CILP: variants seen among roughly 807,000 people sequenced by gnomAD.
CILP encodes cartilage intermediate layer protein 1.
A neutral mutation model predicts 82.5 loss-of-function variants in CILP; 75 were observed. The observed-to-expected ratio is 0.91, with a 90% CI of 0.75 to 1.10. CILP has a LOEUF of 1.10. Among genes scored for constraint, CILP ranks in the 50% least tolerant of loss-of-function variants. The pLI is 0.00. For missense variants in CILP, 1,479 were observed against 1,530.8 expected, an observed-to-expected ratio of 0.97 and a Z score of 0.56; for synonymous variants, 530 against 580.3, an observed-to-expected ratio of 0.91 and a Z score of 1.25.
At chr15:65,207,160 T>C in intron 3 of CILP, 109 bp from the exon 4 acceptor site, 1 of 1,226,248 alleles carries the variant, frequency 8.2e-7, no homozygotes, top group South Asian at 1.5e-5. Context: ...CATTTGTCTC[T>C]CCAGTATCTC....
Position 65,205,476 on chromosome 15 carries a change from G to A in CILP, c.425-10C>T, listed in dbSNP as rs1309519204. 10 of 1,587,934 alleles carry A rather than the reference G, an allele frequency of 6.3e-6. No homozygotes were observed. Among genetic ancestry groups the A allele is most frequent in the Non-Finnish European group, 6.9e-6 (8 of 1,160,960 alleles). The stretch of plus-strand genomic sequence containing the variant: ...TCTCGGCGCAGGGATCCTGCAAAGT[G>A]AGATCAGCAGACGGTCTGATTTCCC... On this transcript the variant is annotated splice_polypyrimidine_tract_variant and intron_variant, in intron 4 of 8. Transcript: ENST00000261883.
At position 65,197,908 on chromosome 15, in the gene CILP, C is replaced by T; in HGVS notation, c.2378G>A (p.Trp793Ter). The change falls in exon 9 of 9, where the codon TGG (tryptophan) becomes TAG (stop). Residue 793 changes from tryptophan (W) to a stop codon, truncating the protein, a stop_gained. Transcript: ENST00000261883. LOFTEE classifies it high-confidence loss of function. ...TGTGATGACACTGTCAAAGCGGCCC[C>T]AGGCCCTAGGGTTGGACAAGAAGCC... is the stretch of plus-strand genomic sequence containing the variant. ...RTGFLSNPRA[W>*]GRFDSVITGP... 1 of 1,614,144 alleles carries T rather than the reference C, an allele frequency of 6.2e-7. No homozygotes were observed. Among genetic ancestry groups the T allele is most frequent in the South Asian group, 1.1e-5 (1 of 91,082 alleles).
rs1371440582 is a variant in CILP at position 65,202,043 on chromosome 15, A to G, written c.1029-14T>C. On this transcript the variant is annotated splice_polypyrimidine_tract_variant and intron_variant, in intron 7 of 8. Coordinates refer to ENST00000261883, the MANE Select transcript of CILP (RefSeq NM_003613.4). ...TCATTATGATACCTGCAAGGGATGG[A>G]GAGGTAGAACCTGAATGGGCAGTGG... The G allele has an allele frequency of 6.4e-7, 1 of 1,560,918 alleles. No homozygotes were observed.
chr15:65,198,682 T>C lies in CILP; in HGVS notation c.1604A>G (p.Glu535Gly). ...GTCCACAAATGTGAGCACCAGCCTC[T>C]CAGTGTCCTGGGGGACATGGAGGGT... ...TFTLHVPQDT[E>G]RLVLTFVDRL... Residue 535 changes from glutamate (E) to glycine (G), a missense_variant, in exon 9 of 9, where the codon GAG becomes GGG. By Grantham distance (98) the Glu-to-Gly change is moderately conservative. Coordinates refer to ENST00000261883, the MANE Select transcript of CILP (RefSeq NM_003613.4). The C allele has an allele frequency of 6.2e-7, 1 of 1,614,244 alleles. No individual in the cohort carries two copies. Among genetic ancestry groups the C allele is most frequent in the Non-Finnish European group, 8.5e-7 (1 of 1,180,054 alleles).
chr15:65,199,932 T>C (rs2088429469), intron 8 of CILP, among the ~76,000 whole-genome samples: 1 of 152,232 alleles, frequency 6.6e-6, no homozygotes. Flanking sequence ...ATACTTTGTT[T>C]AGCTCAGAAC....
At position 65,204,183 on chromosome 15, in the gene CILP, C is replaced by T. The variant is rs928281286; in HGVS notation, c.919+85G>A. 3.0e-6 allele frequency: 4 copies of T among 1,312,488 alleles called. No individual in the cohort carries two copies. In the African/African-American group the frequency reaches 6.0e-5, roughly 20 times the overall value. The allele number at this position is 1,312,488 out of a possible 1,614,324, so 81.3% of individuals were successfully genotyped here. A position where few individuals can be genotyped will look rare whatever the true frequency, so the allele number is the denominator to read the frequency against. On this transcript the variant is annotated intron_variant, in intron 6 of 8. Coordinates refer to ENST00000261883, the MANE Select transcript of CILP (RefSeq NM_003613.4). ...GATTCGGGGTTTTACTCCAAGTTAG[C>T]TGGGAAGCCAGCTTTTAGCACTATA...
Position 65,205,278 on chromosome 15 carries a change from G to T in CILP, c.604+9C>A. The T allele has an allele frequency of 6.3e-7, 1 of 1,586,920 alleles. No homozygotes were observed. On this transcript the variant is annotated intron_variant, in intron 5 of 8. Coordinates refer to ENST00000261883, the MANE Select transcript of CILP (RefSeq NM_003613.4). Reference sequence around the variant, plus strand: ...ACACCCTGCCCAGTGCCAGGAGGGAGGGTGGTACCTGTACAGTCCTGGCCC... The same window carrying T: ...ACACCCTGCCCAGTGCCAGGAGGGATGGTGGTACCTGTACAGTCCTGGCCC...
intron 3 of CILP, 59 bp from the exon 4 acceptor site, chr15:65,207,110 T>C: frequency 6.4e-7 from 1 of 1,561,092 alleles, no homozygotes; most frequent in Non-Finnish European, 8.7e-7. Flanking sequence ...CAGTTCTCCT[T>C]TCCCTCTCAC....
rs375744065 is a variant in CILP at position 65,199,053 on chromosome 15, G to C, written c.1233C>G (p.Ile411Met). The change falls in exon 9 of 9, where the codon ATC becomes ATG. Residue 411 changes from isoleucine to methionine, a missense_variant. By Grantham distance (10) the Ile-to-Met change is conservative. Transcript: ENST00000261883. Reference protein sequence around the residue: ...PCNPVPESYLIRLPHDCFQNA... With the variant: ...PCNPVPESYLMRLPHDCFQNA... ...TCTGAAAGCAATCATGGGGCAGCCGGATAAGATAGCTCTCAGGAACTGGGT... is the reference window on the plus strand; with the variant it reads ...TCTGAAAGCAATCATGGGGCAGCCGCATAAGATAGCTCTCAGGAACTGGGT... 6.2e-7 allele frequency: 1 copy of C among 1,601,264 alleles called. No homozygotes were observed. The highest frequency in any genetic ancestry group is 8.5e-7 in the Non-Finnish European group (1 of 1,179,618).
intron 5 of CILP, 74 bp from the exon 6 acceptor site, chr15:65,204,656 T>C: frequency 2.1e-6 from 3 of 1,427,884 alleles, no homozygotes; most frequent in Non-Finnish European, 1.9e-6. Context: ...ACAGATCACT[T>C]CCTCTCCTCC....
intron 4 of CILP, among the ~76,000 whole-genome samples, chr15:65,205,709 C>G (rs1399864782): frequency 1.3e-5 from 2 of 152,198 alleles, no homozygotes; most frequent in Non-Finnish European, 2.9e-5. Context: ...TGCTTGTTGG[C>G]CAAGCACTGG....
Position 65,198,233 on chromosome 15 carries a change from T to C in CILP, c.2053A>G (p.Thr685Ala). Residue 685 changes from threonine to alanine, a missense_variant, in exon 9 of 9, where the codon ACC (threonine) becomes GCC (alanine). Physicochemically the swap from Thr to Ala is moderately conservative, Grantham distance 58 (BLOSUM62 0). Transcript: ENST00000261883. ...ATGTGCTCTGGCATCTTGACCTGGG[T>C]CGAGTCAAGGTGGACCTTCACTTTG... ...AGKVKVHLDS[T>A]QVKMPEHIST... 6.2e-7 allele frequency: 1 copy of C among 1,614,198 alleles called. No homozygotes were observed. Among genetic ancestry groups the C allele is most frequent in the Non-Finnish European group, 8.5e-7 (1 of 1,180,026 alleles).
chr15:65,204,889 C>T (rs984593004), intron 5 of CILP, among the ~76,000 whole-genome samples: 11 of 152,122 alleles, frequency 7.2e-5, no homozygotes, highest in Admixed American at 1.3e-4. Context: ...CATGGTGACA[C>T]GCACCTGTAA....
intron 1 of CILP, among the ~76,000 whole-genome samples, 197 bp downstream of exon 1, chr15:65,211,225 GGAGGGA>G (rs1406303915): frequency 1.3e-5 from 2 of 152,152 alleles, no homozygotes; most frequent in Non-Finnish European, 2.9e-5. Flanking sequence ...CTCAGGTGGG[GGAGGGA>G]GAGGACTTTG....
intron 3 of CILP, 72 bp from the exon 4 acceptor site, chr15:65,207,123 A>C (rs901822633): frequency 8.5e-6 from 13 of 1,520,954 alleles, no homozygotes; most frequent in African/African-American, 1.4e-5. Flanking sequence ...CCTCTCACCC[A>C]CCCCCAGCTG....
At chr15:65,209,574 T>C in intron 2 of CILP, 121 bp downstream of exon 2, 2 of 767,732 alleles carry the variant, frequency 2.6e-6, no homozygotes, top group South Asian at 1.7e-5. Flanking sequence ...ATCCATAAAG[T>C]GGCCTCAGGT....
rs2088387055 is a variant in CILP at position 65,197,621 on chromosome 15, T to C, written c.2665A>G (p.Ser889Gly). The C allele has an allele frequency of 1.2e-6, 2 of 1,614,174 alleles. No homozygotes were observed. Among genetic ancestry groups the C allele is most frequent in the East Asian group, 2.2e-5 (1 of 44,874 alleles). ...AKPRPNSAEESNGPIYAFENL... is the reference protein window; with the variant it reads ...AKPRPNSAEEGNGPIYAFENL... Reference sequence around the variant, plus strand: ...TCAAAGGCATAGATGGGCCCATTGCTCTCCTCAGCTGAGTTGGGCCTTGGC... The same window carrying C: ...TCAAAGGCATAGATGGGCCCATTGCCCTCCTCAGCTGAGTTGGGCCTTGGC... The change falls in exon 9 of 9, where the codon AGC becomes GGC. Residue 889 changes from serine (S) to glycine (G), a missense_variant. Coordinates refer to ENST00000261883, the MANE Select transcript of CILP (RefSeq NM_003613.4).
chr15:65,203,281 T>C (rs1227969663), intron 7 of CILP, 81 bp downstream of exon 7: 2 of 892,382 alleles, frequency 2.2e-6, no homozygotes, highest in African/African-American at 3.3e-5. Flanking sequence ...GTTATTGTTC[T>C]TATTAATAAG....
intron 2 of CILP, 82 bp downstream of exon 2, chr15:65,209,612 GA>G: frequency 7.5e-7 from 1 of 1,336,174 alleles, no homozygotes; most frequent in South Asian, 1.2e-5. Flanking sequence ...TCTTAAGGCA[GA>G]TGCATAGTTC....
Sources: gnomAD v4.1 joint callset for allele counts (sites outside exome capture counted in the v4.1 genomes callset) on GRCh38, gnomAD v4.1.1 for gene constraint, MANE v1.5 for transcripts, NCBI Gene and HGNC (gene_info 2026-07-23, HGNC 2026-07-21) for gene names.